TASOR: variants seen among roughly 807,000 people sequenced by gnomAD.
The protein encoded by TASOR is protein TASOR.
A neutral mutation model predicts 178.6 loss-of-function variants in TASOR; 53 were observed. The observed-to-expected ratio is 0.30, with a 90% CI of 0.24 to 0.37. The LOEUF (loss-of-function observed/expected upper bound fraction) is 0.37. Among genes scored for constraint, TASOR ranks in the 10% least tolerant of loss-of-function variants. The pLI is 1.00. For missense variants in TASOR, 1,815 were observed against 1,971.4 expected (o/e 0.92, Z 1.50); for synonymous variants, 713 against 696.2 (o/e 1.02, Z -0.38).
intron 17 of TASOR, 79 bp downstream of exon 17, chr3:56,638,627 A>G: frequency 6.9e-7 from 1 of 1,453,182 alleles, no homozygotes; most frequent in Non-Finnish European, 9.7e-7. Context: ...TCAATGCCCT[A>G]TTGATGGAGT....
At chr3:56,653,262 CA>C (rs1176419181) in intron 11 of TASOR, among the ~76,000 whole-genome samples, 4 of 4,974 alleles carry the variant, frequency 8.0e-4, no homozygotes, top group Non-Finnish European at 1.6e-3. Flanking sequence ...GACTCCATCT[CA>C]AAAAAAAAAA....
chr3:56,659,803 C>A (rs2077552798), intron 11 of TASOR, among the ~76,000 whole-genome samples: 1 of 152,168 alleles, frequency 6.6e-6, no homozygotes, highest in Non-Finnish European at 1.5e-5. Context: ...CAGGTCCCTA[C>A]TACTTTCCCC....
intron 8 of TASOR, among the ~76,000 whole-genome samples, chr3:56,663,187 G>T (rs567680700): frequency 6.7e-6 from 1 of 149,630 alleles, no homozygotes; most frequent in African/African-American, 2.5e-5. Flanking sequence ...TCTCAGAAAA[G>T]AAAAAAAAAC....
intron 11 of TASOR, among the ~76,000 whole-genome samples, chr3:56,657,577 A>T (rs981591505): frequency 3.3e-5 from 5 of 152,170 alleles, no homozygotes; most frequent in African/African-American, 1.2e-4. Context: ...CACAATAATA[A>T]AACTTATTTT....
chr3:56,674,908 T>A (rs2107637389), intron 1 of TASOR, among the ~76,000 whole-genome samples: 1 of 152,194 alleles, frequency 6.6e-6, no homozygotes, highest in Non-Finnish European at 1.5e-5. Context: ...AAGCTCCGCC[T>A]CCAAGGTACA....
intron 21 of TASOR, among the ~76,000 whole-genome samples, chr3:56,626,698 G>A (rs905810587): frequency 3.3e-5 from 5 of 151,720 alleles, no homozygotes; most frequent in Middle Eastern, 3.2e-3. Flanking sequence ...AGGCGAGATC[G>A]TCCCATTGCA....
At chr3:56,645,870 C>G (rs868518546) in intron 14 of TASOR, among the ~76,000 whole-genome samples, 2 of 152,156 alleles carry the variant, frequency 1.3e-5, no homozygotes, top group African/African-American at 4.8e-5. Flanking sequence ...GGAATATGGC[C>G]AGGCGTGGTG....
intron 13 of TASOR, among the ~76,000 whole-genome samples, chr3:56,647,786 A>G (rs957463026): frequency 6.6e-6 from 1 of 152,352 alleles, no homozygotes; most frequent in South Asian, 2.1e-4. Context: ...ATCTTGTCTT[A>G]TATCAGTGCC....
chr3:56,645,617 T>C (rs2077219673), intron 14 of TASOR, among the ~76,000 whole-genome samples: 1 of 152,210 alleles, frequency 6.6e-6, no homozygotes, highest in African/African-American at 2.4e-5. Flanking sequence ...ACTTGCAATA[T>C]TGAAACAAAC....
chr3:56,668,477 G>A lies in TASOR; in HGVS notation c.817C>T (p.Pro273Ser). ...TTTGACACGTGACATTCATGCTTTG[G>A]TGTGGGGTCCAAAGCACTCTTATTT... Reference protein sequence around the residue: ...MLNKSALDPTPKHECHVSKNA... With the variant: ...MLNKSALDPTSKHECHVSKNA... Residue 273 changes from proline to serine, a missense_variant, in exon 6 of 24, where the codon CCA (proline) becomes TCA (serine). Pro to Ser is a moderately conservative substitution (Grantham distance 74). Around this residue, in one of 5 missense-constraint regions of TASOR, gnomAD observed 504 missense variants for 645.3 expected, o/e 0.78. Transcript: ENST00000683822. 6.4e-7 allele frequency: 1 copy of A among 1,551,620 alleles called. No individual in the cohort carries two copies. The highest frequency in any genetic ancestry group is 8.7e-7 in the Non-Finnish European group (1 of 1,146,932).
rs1428323991 is a variant in TASOR, at chr3:56,620,763, GGATGTACACATTTACC to G, written c.*2258_*2273del. ...ATTGTGAGATAAAGAGGAAGGAATAGGATGTACACATTTACCCATCAATATAGCACCCAGTGTTATT... is the reference window on the plus strand; with the variant it reads ...ATTGTGAGATAAAGAGGAAGGAATAGCATCAATATAGCACCCAGTGTTATT... On this transcript the variant is annotated 3_prime_UTR_variant, in exon 24 of 24. Coordinates refer to ENST00000683822, the MANE Select transcript of TASOR (RefSeq NM_001365635.2). 96 of 152,202 alleles carry G rather than the reference GGATGTACACATTTACC, an allele frequency of 6.3e-4. No homozygotes were observed. The highest frequency in any genetic ancestry group is 2.2e-3 in the African/African-American group (92 of 41,436). The allele number at this position is 152,202 out of a possible 1,614,324, so 9.4% of individuals were successfully genotyped here. A position where few individuals can be genotyped will look rare whatever the true frequency, so the allele number is the denominator to read the frequency against.
intron 1 of TASOR, among the ~76,000 whole-genome samples, chr3:56,674,377 G>A (rs1413054551): frequency 1.3e-5 from 2 of 151,560 alleles, no homozygotes; most frequent in Non-Finnish European, 2.9e-5. Flanking sequence ...AGGCATGGTG[G>A]TGCATGCCTG....
At chr3:56,628,929 ATTTTTTTTTTTT>A (rs58944810) in intron 18 of TASOR, 8 of 120,788 alleles carry the variant, frequency 6.6e-5, no homozygotes, top group Middle Eastern at 4.1e-3. Context: ...TACCAGGCTA[ATTTTTTTTTTTT>A]TTTTTTTTTT....
chr3:56,661,898 G>A lies in TASOR; in HGVS notation c.1160+487C>T, dbSNP rs1271087316. ...CCAACACTTCGTGAGGCCAAGGCGG[G>A]AGGATCATATGAGGTCAGGAGTTCG... On this transcript the variant is annotated intron_variant, in intron 9 of 23. Coordinates refer to ENST00000683822, the MANE Select transcript of TASOR (RefSeq NM_001365635.2). 3.0e-4 allele frequency among the ~76,000 whole-genome samples: 46 copies of A among 152,136 alleles called. 1 individual carries two copies. Among genetic ancestry groups the A allele is most frequent in the Admixed American group, 3.0e-3 (46 of 15,264 alleles).
At chr3:56,646,000 T>C (rs1010972844) in intron 14 of TASOR, among the ~76,000 whole-genome samples, 1 of 151,856 alleles carries the variant, frequency 6.6e-6, no homozygotes, top group African/African-American at 2.4e-5. Flanking sequence ...TACAAAAAAT[T>C]AGCCGGGCAT....
At chr3:56,625,202 C>G (rs1047374342) in intron 21 of TASOR, among the ~76,000 whole-genome samples, 196 bp from the exon 22 acceptor site, 1 of 152,182 alleles carries the variant, frequency 6.6e-6, no homozygotes, top group African/African-American at 2.4e-5. Context: ...GTTTCTTGGT[C>G]GCGAGGCCTC....
intron 23 of TASOR, 69 bp from the exon 24 acceptor site, chr3:56,623,635 A>C (rs1332716043): frequency 1.9e-6 from 3 of 1,539,308 alleles, no homozygotes; most frequent in African/African-American, 2.8e-5. Flanking sequence ...AAAATTATAC[A>C]CTACTCACAC....
chr3:56,622,729 T>C lies in TASOR; in HGVS notation c.*308A>G, dbSNP rs897283571. 4 of 187,216 alleles carry C rather than the reference T, an allele frequency of 2.1e-5. No individual in the cohort carries two copies. The highest frequency in any genetic ancestry group is 9.4e-5 in the African/African-American group (4 of 42,778). 11.6% of individuals were successfully genotyped at this position (187,216 alleles called of 1,614,324 possible). A position where few individuals can be genotyped will look rare whatever the true frequency, so the allele number is the denominator to read the frequency against. ...ATTAGAGAAAAAGAAGTAAAGCCTT[T>C]GCTGTTTACCGTCCTCCTGCAAGCA... On this transcript the variant is annotated 3_prime_UTR_variant, in exon 24 of 24. Coordinates refer to ENST00000683822, the MANE Select transcript of TASOR (RefSeq NM_001365635.2).
intron 18 of TASOR, among the ~76,000 whole-genome samples, chr3:56,629,761 TCAGA>T (rs1234222017): frequency 6.6e-6 from 1 of 152,082 alleles, no homozygotes; most frequent in Non-Finnish European, 1.5e-5. Flanking sequence ...GCACAGCTGG[TCAGA>T]CAGCTATAAT....
Sources: allele counts gnomAD v4.1 joint callset (sites outside exome capture counted in the v4.1 genomes callset), GRCh38; gene constraint gnomAD v4.1.1; regional missense constraint gnomAD v4.1.1; transcripts MANE v1.5; gene names NCBI Gene and HGNC (gene_info 2026-07-23, HGNC 2026-07-21).